Variants in MYRIP observed in about 807,000 individuals in gnomAD.
The protein encoded by MYRIP is myosin VIIA and Rab interacting protein, also known as rab effector MyRIP.
A neutral mutation model predicts 98.0 loss-of-function variants in MYRIP; 49 were observed. The ratio of observed to expected loss-of-function variants is 0.50; its 90% CI spans 0.40 to 0.63. The LOEUF is 0.63. MYRIP is among the 30% of genes least tolerant of loss of function. The probability of loss-of-function intolerance (pLI) is 0.00; values close to 1 mark genes in which losing one functional copy is unlikely to be tolerated. For missense variants in MYRIP, 1,004 were observed against 1,058.2 expected, an observed-to-expected ratio of 0.95 and a Z score of 0.71; for synonymous variants, 404 against 409.5, an observed-to-expected ratio of 0.99 and a Z score of 0.16.
intron 1 of MYRIP, among the ~76,000 whole-genome samples, chr3:39,828,641 C>G (rs1449740546): frequency 6.6e-6 from 1 of 152,168 alleles, no homozygotes; most frequent in Admixed American, 6.6e-5. Context: ...TCCAACTCTT[C>G]CTCCCAAGTC....
intron 2 of MYRIP, among the ~76,000 whole-genome samples, chr3:39,939,488 G>A (rs1944731968): frequency 6.6e-6 from 1 of 152,084 alleles, no homozygotes; most frequent in Admixed American, 6.5e-5. Flanking sequence ...ACACACACGT[G>A]CTTATCTGCA....
chr3:40,126,779 A>G (rs1949533828), intron 3 of MYRIP, among the ~76,000 whole-genome samples: 1 of 152,242 alleles, frequency 6.6e-6, no homozygotes, highest in Non-Finnish European at 1.5e-5. Flanking sequence ...TTTAGAAATA[A>G]TAATTCCTAA....
intron 2 of MYRIP, among the ~76,000 whole-genome samples, chr3:39,959,839 C>T (rs905317112): frequency 2.0e-5 from 3 of 152,016 alleles, no homozygotes; most frequent in Non-Finnish European, 4.4e-5. Context: ...GATTTATATC[C>T]GGAATCGTTT....
intron 3 of MYRIP, among the ~76,000 whole-genome samples, chr3:40,094,673 C>T (rs1948792733): frequency 1.3e-5 from 2 of 152,206 alleles, no homozygotes; most frequent in Non-Finnish European, 2.9e-5. Context: ...TCTGTTTCAG[C>T]CAGGCCTCTA....
At chr3:40,030,010 T>C (rs1049403244) in intron 2 of MYRIP, among the ~76,000 whole-genome samples, 1 of 151,492 alleles carries the variant, frequency 6.6e-6, no homozygotes, top group Non-Finnish European at 1.5e-5. Context: ...CAGTGAGCTA[T>C]GATGCCACCA....
chr3:40,078,376 G>C (rs956094343), intron 3 of MYRIP, among the ~76,000 whole-genome samples: 1 of 152,196 alleles, frequency 6.6e-6, no homozygotes, highest in African/African-American at 2.4e-5. Flanking sequence ...ACAGTGCAGC[G>C]GTGGGCTGAA....
At chr3:39,883,515 A>G (rs752494880) in intron 1 of MYRIP, among the ~76,000 whole-genome samples, 15 of 152,182 alleles carry the variant, frequency 9.9e-5, no homozygotes, top group Non-Finnish European at 1.8e-4. Flanking sequence ...ATATGTTACT[A>G]CATTTAAGGA....
chr3:39,901,638 C>G (rs534355765), intron 2 of MYRIP, among the ~76,000 whole-genome samples: 1 of 152,218 alleles, frequency 6.6e-6, no homozygotes, highest in African/African-American at 2.4e-5. Flanking sequence ...ATCTATAAAA[C>G]CTATTATTCC....
At chr3:40,127,601 G>A (rs1949548966) in intron 3 of MYRIP, among the ~76,000 whole-genome samples, 1 of 152,208 alleles carries the variant, frequency 6.6e-6, no homozygotes, top group Non-Finnish European at 1.5e-5. Context: ...ATCGGTATTA[G>A]GTGCCAGGAT....
At chr3:39,982,666 T>G (rs1945923429) in intron 2 of MYRIP, among the ~76,000 whole-genome samples, 2 of 152,162 alleles carry the variant, frequency 1.3e-5, no homozygotes, top group Non-Finnish European at 2.9e-5. Context: ...TAAATATTAT[T>G]ATTCCTTAAA....
At chr3:40,078,103 C>G (rs1354785199) in intron 3 of MYRIP, among the ~76,000 whole-genome samples, 2 of 152,264 alleles carry the variant, frequency 1.3e-5, no homozygotes, top group Non-Finnish European at 2.9e-5. Context: ...GATGAGAAAT[C>G]TAGCGCAGCG....
chr3:39,917,628 A>T (rs1944194340), intron 2 of MYRIP, among the ~76,000 whole-genome samples: 1 of 151,816 alleles, frequency 6.6e-6, no homozygotes, highest in Admixed American at 6.6e-5. Context: ...ACTAAGAGAG[A>T]TCAGAGACTA....
At chr3:39,972,376 G>A (rs1225009897) in intron 2 of MYRIP, among the ~76,000 whole-genome samples, 1 of 151,932 alleles carries the variant, frequency 6.6e-6, no homozygotes, top group East Asian at 1.9e-4. Context: ...ATTTAACTTT[G>A]TTTTTGGGTG....
At chr3:40,092,402 C>G (rs1462299168) in intron 3 of MYRIP, among the ~76,000 whole-genome samples, 3 of 152,156 alleles carry the variant, frequency 2.0e-5, no homozygotes, top group Non-Finnish European at 4.4e-5. Context: ...AGCTATGCCT[C>G]CCCAAAACCC....
At chr3:39,845,547 C>T (rs746353823) in intron 1 of MYRIP, among the ~76,000 whole-genome samples, 1 of 152,042 alleles carries the variant, frequency 6.6e-6, no homozygotes, top group African/African-American at 2.4e-5. Context: ...ACTTTTTGGG[C>T]ACTTTGCGTA....
chr3:39,968,405 C>A (rs949663792), intron 2 of MYRIP, among the ~76,000 whole-genome samples: 1 of 152,006 alleles, frequency 6.6e-6, no homozygotes, highest in Non-Finnish European at 1.5e-5. Context: ...TCAAGTGATC[C>A]GCCTGCCTTG....
intron 3 of MYRIP, among the ~76,000 whole-genome samples, chr3:40,140,610 C>A (rs1949871034): frequency 6.6e-6 from 1 of 152,186 alleles, no homozygotes; most frequent in African/African-American, 2.4e-5. Context: ...TTCTCTGCAT[C>A]CTCATCAGCA....
intron 2 of MYRIP, among the ~76,000 whole-genome samples, chr3:40,004,969 C>A (rs1182736837): frequency 6.6e-6 from 1 of 152,072 alleles, no homozygotes; most frequent in Non-Finnish European, 1.5e-5. Flanking sequence ...TCCCCAGTGT[C>A]CCATCTTCAT....
chr3:39,928,025 A>G (rs1485562119), intron 2 of MYRIP, among the ~76,000 whole-genome samples: 1 of 152,074 alleles, frequency 6.6e-6, no homozygotes, highest in Non-Finnish European at 1.5e-5. Context: ...CATTGAAGAC[A>G]CATACCTAAA....
Sources: allele counts gnomAD v4.1 joint callset (sites outside exome capture counted in the v4.1 genomes callset), GRCh38; gene constraint gnomAD v4.1.1; transcripts MANE v1.5; gene names NCBI Gene and HGNC (gene_info 2026-07-23, HGNC 2026-07-21).